KCNT1: variants seen among roughly 807,000 people sequenced by gnomAD.
KCNT1 encodes the protein potassium sodium-activated channel subfamily T member 1.
A neutral mutation model predicts 147.8 loss-of-function variants in KCNT1; 78 were observed. That is an observed-to-expected ratio of 0.53 (90% confidence interval 0.44 to 0.64). KCNT1 has a LOEUF of 0.64. Among genes scored for constraint, KCNT1 ranks in the 30% least tolerant of loss-of-function variants. The pLI is 0.00. For synonymous variants in KCNT1, 867 were observed against 748.8 expected, an observed-to-expected ratio of 1.16 and a Z score of -2.58; for missense variants, 1,419 against 1,750.3, an observed-to-expected ratio of 0.81 and a Z score of 3.38.
In KCNT1 at chr9:135,733,111, G is replaced by A. The variant is rs187809652; in HGVS notation, c.255-16987G>A. On this transcript the variant is annotated intron_variant, in intron 2 of 30. Coordinates refer to ENST00000371757, the MANE Select transcript of KCNT1 (RefSeq NM_020822.3). ...GATGCTGACCTGCCCTCTCCTTGTC[G>A]GCTCTGAGTCATTCATCTCCAGTTC... 3.7e-3 allele frequency among the ~76,000 whole-genome samples: 561 copies of A among 151,980 alleles called. 2 individuals are homozygous for A. The highest frequency in any genetic ancestry group is 0.013 in the African/African-American group (541 of 41,424).
At chr9:135,736,172 C>G (rs1256026125) in intron 2 of KCNT1, among the ~76,000 whole-genome samples, 1 of 152,196 alleles carries the variant, frequency 6.6e-6, no homozygotes, top group Non-Finnish European at 1.5e-5. Context: ...GGCCAGGGTA[C>G]TACACCCACC....
chr9:135,742,877 C>A (rs1830636482), intron 2 of KCNT1: 2 of 713,558 alleles, frequency 2.8e-6, no homozygotes, highest in African/African-American at 1.7e-5. Flanking sequence ...GGTGTGAGAG[C>A]CCTTGTTTCT....
chr9:135,768,274 G>GA (rs1396640929), intron 13 of KCNT1, among the ~76,000 whole-genome samples: 1 of 66,700 alleles, frequency 1.5e-5, no homozygotes, highest in Non-Finnish European at 3.4e-5. Context: ...GATACCGGTG[G>GA]GGGGGGCACA....
intron 2 of KCNT1, among the ~76,000 whole-genome samples, chr9:135,717,768 G>A (rs1588259644): frequency 6.6e-6 from 1 of 152,220 alleles, no homozygotes; most frequent in East Asian, 1.9e-4. Context: ...GCAGCTCCTT[G>A]GTCTCAGCAG....
intron 11 of KCNT1, among the ~76,000 whole-genome samples, chr9:135,763,615 T>G (rs1338394968): frequency 6.6e-6 from 1 of 152,110 alleles, no homozygotes; most frequent in African/African-American, 2.4e-5. Context: ...TGGGGCTGCT[T>G]CTACGGTGGC....
chr9:135,750,902 G>C, intron 3 of KCNT1, 40 bp from the exon 4 acceptor site: 1 of 1,592,152 alleles, frequency 6.3e-7, no homozygotes, highest in South Asian at 1.1e-5. Flanking sequence ...CCGAAGCCCA[G>C]AGCTGGGTCA....
chr9:135,718,775 C>T (rs1276986619), intron 2 of KCNT1, among the ~76,000 whole-genome samples: 2 of 152,200 alleles, frequency 1.3e-5, no homozygotes, highest in Admixed American at 6.5e-5. Flanking sequence ...GGGCAGGACT[C>T]GGGCTTCCTG....
chr9:135,791,994 G>A (rs1185597230), intron 30 of KCNT1, 47 bp from the exon 31 acceptor site: 4 of 1,603,224 alleles, frequency 2.5e-6, no homozygotes, highest in South Asian at 2.2e-5. Flanking sequence ...CTGAGCAGGG[G>A]CTGCCCGGCC....
intron 2 of KCNT1, among the ~76,000 whole-genome samples, chr9:135,734,629 T>C (rs1830259897): frequency 6.6e-6 from 1 of 152,142 alleles, no homozygotes; most frequent in Non-Finnish European, 1.5e-5. Flanking sequence ...AGGCCACGAG[T>C]AAGTGAAGAC....
In KCNT1 at chr9:135,769,931, C is replaced by T; in HGVS notation, c.1511-16C>T. 6.5e-7 allele frequency: 1 copy of T among 1,538,436 alleles called. No individual in the cohort carries two copies. The highest frequency in any genetic ancestry group is 2.4e-5 in the East Asian group (1 of 40,860). On this transcript the variant is annotated splice_polypyrimidine_tract_variant and intron_variant, in intron 15 of 30. Transcript: ENST00000371757. ...GGCAGAGCGGCAGGTGGACCGGCCT[C>T]CCCCACTGCCCGCAGACCACGTGGT...
chr9:135,757,490 A>C, intron 9 of KCNT1, 109 bp downstream of exon 9: 1 of 968,764 alleles, frequency 1.0e-6, no homozygotes, highest in Non-Finnish European at 1.6e-6. Flanking sequence ...CCCTGGCATG[A>C]CCTGTAGAGG....
chr9:135,716,078 G>A (rs1342732202), intron 2 of KCNT1, among the ~76,000 whole-genome samples: 2 of 152,222 alleles, frequency 1.3e-5, no homozygotes, highest in African/African-American at 2.4e-5. Context: ...GTGCGTGGCT[G>A]GGAGGCTCTC....
intron 4 of KCNT1, 82 bp downstream of exon 4, chr9:135,751,123 C>T (rs554213313): frequency 1.5e-5 from 20 of 1,308,290 alleles, no homozygotes; most frequent in Admixed American, 1.0e-4. Flanking sequence ...AAGCTGATGG[C>T]GTCCCTGGGG....
In KCNT1 at chr9:135,730,824, A is replaced by G. The variant is rs1197111788; in HGVS notation, c.254+16104A>G. Among the ~76,000 whole-genome samples, 1 of 151,926 alleles carries G rather than the reference A, an allele frequency of 6.6e-6. No homozygotes were observed. The highest frequency in any genetic ancestry group is 1.5e-5 in the Non-Finnish European group (1 of 67,972). On this transcript the variant is annotated intron_variant, in intron 2 of 30. Transcript: ENST00000371757. This position sits in a 1 kb window ranked among gnomAD's most constrained non-coding sequence, Gnocchi z 4.7. Reference sequence around the variant, plus strand: ...AACATGGCAAAACCCTGTCTCTACAAAAAATACAAAACTTAGCCGAGCATG... The same window carrying G: ...AACATGGCAAAACCCTGTCTCTACAGAAAATACAAAACTTAGCCGAGCATG...
chr9:135,773,947 A>C (rs895761179), intron 19 of KCNT1, among the ~76,000 whole-genome samples: 2 of 151,892 alleles, frequency 1.3e-5, no homozygotes, highest in African/African-American at 2.4e-5. Context: ...TGGGTTTTGC[A>C]TGTGGCTGAA....
chr9:135,792,063 C>T lies in KCNT1; in HGVS notation c.3610C>T (p.Leu1204=). The T allele has an allele frequency of 6.2e-7, 1 of 1,604,494 alleles. No individual in the cohort carries two copies. The highest frequency in any genetic ancestry group is 1.3e-5 in the African/African-American group (1 of 75,030). The change falls in exon 31 of 31, where the codon CTG becomes TTG. Residue 1204 remains leucine (L), a synonymous_variant. Coordinates refer to ENST00000371757, the MANE Select transcript of KCNT1 (RefSeq NM_020822.3). ...DIVYLIRSDP[L]AHVASSSQSR... is the part of the protein sequence containing the mutation. ...CAGCTATCTCATCCGCTCCGACCCC[C>T]TGGCTCACGTGGCCAGCAGCTCCCA...
At position 135,754,000 on chromosome 9, in the gene KCNT1, C is replaced by T. The variant is rs538968704; in HGVS notation, c.491+7C>T. 1.9e-6 allele frequency: 3 copies of T among 1,613,540 alleles called. No individual in the cohort carries two copies. Among genetic ancestry groups the T allele is most frequent in the Non-Finnish European group, 2.5e-6 (3 of 1,179,494 alleles). On this transcript the variant is annotated splice_region_variant and intron_variant, in intron 5 of 30. Transcript: ENST00000371757. ...CGTCCTCCGAGATCAACTGGTGAGT[C>T]CACACTCCAGCTCCCAATAGCCAGG...
At chr9:135,720,391 C>G (rs983420362) in intron 2 of KCNT1, among the ~76,000 whole-genome samples, 2 of 151,682 alleles carry the variant, frequency 1.3e-5, no homozygotes, top group African/African-American at 2.4e-5. Context: ...CTCAGCTGGT[C>G]GGGGAAGTGC....
At chr9:135,768,351 G>GC in intron 13 of KCNT1, 1 of 218,204 alleles carries the variant, frequency 4.6e-6, no homozygotes, top group Non-Finnish European at 8.5e-6. Flanking sequence ...GGTTGGGGGG[G>GC]GGGGGGGCAG....
Sources: gnomAD v4.1 joint callset for allele counts (sites outside exome capture counted in the v4.1 genomes callset) on GRCh38, gnomAD v4.1.1 for gene constraint, Gnocchi (gnomAD v3.1) non-coding constraint, MANE v1.5 for transcripts, NCBI Gene and HGNC (gene_info 2026-07-23, HGNC 2026-07-21) for gene names.